RPTOR: variants seen among roughly 807,000 people sequenced by gnomAD.
RPTOR encodes the protein regulatory-associated protein of mTOR.
RPTOR carries 21 observed loss-of-function variants against 169.9 expected under a neutral mutation model. The observed-to-expected ratio is 0.12, with a 90% CI of 0.09 to 0.18. The LOEUF is 0.18. RPTOR is among the 10% of genes least tolerant of loss of function. The pLI is 1.00. For missense variants in RPTOR, 1,133 were observed against 1,855.9 expected, an observed-to-expected ratio of 0.61 and a Z score of 7.16; for synonymous variants, 732 against 753.2, an observed-to-expected ratio of 0.97 and a Z score of 0.46.
intron 9 of RPTOR, among the ~76,000 whole-genome samples, chr17:80,826,322 G>A (rs553120708): frequency 4.6e-5 from 7 of 152,230 alleles, no homozygotes; most frequent in Middle Eastern, 3.2e-3. Context: ...TTCCACAAGC[G>A]CACAGCCCAT....
At chr17:80,770,092 G>A (rs1311387864) in intron 6 of RPTOR, among the ~76,000 whole-genome samples, 3 of 152,188 alleles carry the variant, frequency 2.0e-5, no homozygotes, top group Non-Finnish European at 4.4e-5. Flanking sequence ...TGGGTTTGGC[G>A]TCTGGTGAGG....
chr17:80,926,781 G>A (rs891590692), intron 24 of RPTOR, among the ~76,000 whole-genome samples: 3 of 152,208 alleles, frequency 2.0e-5, no homozygotes, highest in Non-Finnish European at 2.9e-5. Context: ...AGCAGAGCCC[G>A]CTCCTAACTA....
At chr17:80,964,003 C>G (rs371241046) in intron 33 of RPTOR, among the ~76,000 whole-genome samples, 1 of 152,164 alleles carries the variant, frequency 6.6e-6, no homozygotes. Flanking sequence ...CATTGGATCC[C>G]AGAGCTGCCC....
intron 5 of RPTOR, among the ~76,000 whole-genome samples, chr17:80,731,219 A>C (rs903581070): frequency 6.6e-6 from 1 of 152,134 alleles, no homozygotes; most frequent in East Asian, 1.9e-4. Context: ...CATTTTACTC[A>C]GTGTCATTTT....
chr17:80,848,753 G>A (rs898839589), intron 11 of RPTOR, among the ~76,000 whole-genome samples: 1 of 152,234 alleles, frequency 6.6e-6, no homozygotes, highest in Non-Finnish European at 1.5e-5. Flanking sequence ...AGCAGGACCC[G>A]ATGCCAAGCA....
intron 10 of RPTOR, among the ~76,000 whole-genome samples, chr17:80,842,383 C>T (rs1030321962): frequency 6.6e-5 from 10 of 151,986 alleles, no homozygotes; most frequent in Non-Finnish European, 1.5e-4. Context: ...TGCCTGAGGC[C>T]AAGGCCTCCC....
At chr17:80,864,982 G>A (rs567711979) in intron 13 of RPTOR, among the ~76,000 whole-genome samples, 45 of 152,268 alleles carry the variant, frequency 3.0e-4, no homozygotes, top group Non-Finnish European at 3.7e-4. Flanking sequence ...CACAAGCCAC[G>A]GCACCCCACA....
At chr17:80,556,832 G>A (rs1372340155) in intron 1 of RPTOR, among the ~76,000 whole-genome samples, 3 of 151,450 alleles carry the variant, frequency 2.0e-5, no homozygotes, top group East Asian at 1.9e-4. Flanking sequence ...GGTGGCTCAC[G>A]CCTGTAATCC....
At chr17:80,614,477 C>T (rs77356590) in intron 1 of RPTOR, among the ~76,000 whole-genome samples, 89 of 152,348 alleles carry the variant, frequency 5.8e-4, no homozygotes, top group East Asian at 3.1e-3. Flanking sequence ...TTGGCTTCTG[C>T]GTTGCCTTTG....
intron 6 of RPTOR, among the ~76,000 whole-genome samples, chr17:80,779,776 G>A (rs958552523): frequency 6.6e-6 from 1 of 152,204 alleles, no homozygotes; most frequent in Non-Finnish European, 1.5e-5. Context: ...AGCTAGTTCA[G>A]GAGTCTGTGG....
At chr17:80,547,926 A>G (rs777687010) in intron 1 of RPTOR, among the ~76,000 whole-genome samples, 2 of 152,164 alleles carry the variant, frequency 1.3e-5, no homozygotes, top group Non-Finnish European at 2.9e-5. Flanking sequence ...CAACTGGGCT[A>G]TGGCCAGGCC....
At chr17:80,799,066 G>A (rs553082504) in intron 7 of RPTOR, among the ~76,000 whole-genome samples, 4 of 152,204 alleles carry the variant, frequency 2.6e-5, no homozygotes, top group Non-Finnish European at 2.9e-5. Flanking sequence ...AGACCCTCCC[G>A]AGCGTGATAT....
At chr17:80,664,454 C>T (rs1288843041) in intron 3 of RPTOR, among the ~76,000 whole-genome samples, 1 of 152,206 alleles carries the variant, frequency 6.6e-6, no homozygotes, top group Non-Finnish European at 1.5e-5. Context: ...TACCATCCTG[C>T]AGCCTCGCTC....
intron 1 of RPTOR, among the ~76,000 whole-genome samples, chr17:80,549,605 G>A (rs1289004145): frequency 6.6e-6 from 1 of 152,202 alleles, no homozygotes; most frequent in Non-Finnish European, 1.5e-5. Flanking sequence ...GAGCCACCGT[G>A]CCTGGTCTAA....
chr17:80,624,631 C>CA (rs2065379141), intron 1 of RPTOR, among the ~76,000 whole-genome samples: 1 of 152,184 alleles, frequency 6.6e-6, no homozygotes, highest in Admixed American at 6.5e-5. Flanking sequence ...TATCTGTGCA[C>CA]ACCTGTGAGT....
At chr17:80,576,020 G>T (rs942888719) in intron 1 of RPTOR, among the ~76,000 whole-genome samples, 5 of 152,186 alleles carry the variant, frequency 3.3e-5, no homozygotes, top group Non-Finnish European at 1.5e-5. Context: ...TCTCAGGATA[G>T]TTACACCAGT....
chr17:80,688,225 C>G (rs991287155), intron 3 of RPTOR, among the ~76,000 whole-genome samples: 1 of 152,220 alleles, frequency 6.6e-6, no homozygotes, highest in African/African-American at 2.4e-5. Context: ...TTAATCTTCA[C>G]AGAAACTAGA....
At chr17:80,556,891 C>T (rs988765103) in intron 1 of RPTOR, among the ~76,000 whole-genome samples, 10 of 151,882 alleles carry the variant, frequency 6.6e-5, no homozygotes, top group Admixed American at 5.2e-4. Context: ...GTCAGGAGTT[C>T]GAGACCAGCC....
intron 11 of RPTOR, among the ~76,000 whole-genome samples, chr17:80,846,980 C>G (rs962551677): frequency 6.6e-6 from 1 of 152,258 alleles, no homozygotes; most frequent in Non-Finnish European, 1.5e-5. Flanking sequence ...ACACCACTGC[C>G]TCCTTCTCTT....
Sources: gnomAD v4.1 joint callset for allele counts (sites outside exome capture counted in the v4.1 genomes callset) on GRCh38, gnomAD v4.1.1 for gene constraint, MANE v1.5 for transcripts, NCBI Gene and HGNC (gene_info 2026-07-23, HGNC 2026-07-21) for gene names.